The following EDNRB variants were observed in gnomAD, a reference collection of about 807,000 sequenced individuals.
The protein encoded by EDNRB is Hirschsprung disease 2.
A neutral mutation model predicts 46.4 loss-of-function variants in EDNRB; 18 were observed. The ratio of observed to expected loss-of-function variants is 0.39; its 90% confidence interval spans 0.27 to 0.57. EDNRB has a LOEUF of 0.57. Among genes scored for constraint, EDNRB ranks in the 20% least tolerant of loss-of-function variants. The pLI is 0.61. For missense variants in EDNRB, 434 were observed against 537.5 expected, an observed-to-expected ratio of 0.81 and a Z score of 1.90; for synonymous variants, 213 against 204.9, an observed-to-expected ratio of 1.04 and a Z score of -0.34.
At chr13:77,935,964 T>TA (rs1410065684) in intron 1 of EDNRB, among the ~76,000 whole-genome samples, 1 of 152,028 alleles carries the variant, frequency 6.6e-6, no homozygotes, top group Non-Finnish European at 1.5e-5. Flanking sequence ...TTAGGACAGG[T>TA]AAAATGGGGG....
Position 77,898,160 on chromosome 13 carries a change from C to A in EDNRB, c.*40G>T, listed in dbSNP as rs12720202. 1.2e-5 allele frequency: 19 copies of A among 1,604,522 alleles called. No homozygotes were observed. In the African/African-American group the frequency reaches 2.4e-4, roughly 20 times the overall value. ...TTCATTTTGTTTTAATGACTTCGGT[C>A]CAATATAAAGAAAATGAAATACAGT... On this transcript the variant is annotated 3_prime_UTR_variant, in exon 7 of 7. Transcript: ENST00000646607.
At chr13:77,929,881 A>G (rs1385259212) in intron 1 of EDNRB, among the ~76,000 whole-genome samples, 1 of 152,220 alleles carries the variant, frequency 6.6e-6, no homozygotes, top group African/African-American at 2.4e-5. Context: ...ATGTTTGCAA[A>G]TCATTCAGTA....
chr13:77,913,054 A>G (rs1879649166), intron 1 of EDNRB, among the ~76,000 whole-genome samples: 1 of 152,138 alleles, frequency 6.6e-6, no homozygotes, highest in Non-Finnish European at 1.5e-5. Context: ...TTTTAACTAC[A>G]AAACTAGTTA....
rs558255792 is a variant in EDNRB, at chr13:77,972,546, C to A, written c.-52+2801G>T. On this transcript the variant is annotated intron_variant, in intron 1 of 7. Coordinates refer to the EDNRB transcript ENST00000646948. ...GTTGGGGGGCAAGACTCCTGGTTGG[C>A]ACTGGGGTCTTTATCGAAATCTCCC... 2.6e-5 allele frequency among the ~76,000 whole-genome samples: 4 copies of A among 152,142 alleles called. 1 individual carries two copies. The highest frequency in any genetic ancestry group is 5.9e-5 in the Non-Finnish European group (4 of 68,030).
chr13:77,915,333 G>A (rs1282525707), intron 1 of EDNRB, among the ~76,000 whole-genome samples: 1 of 152,130 alleles, frequency 6.6e-6, no homozygotes, highest in Admixed American at 6.5e-5. Context: ...TTCTGAAAAT[G>A]TTTACCAAGT....
intron 1 of EDNRB, among the ~76,000 whole-genome samples, chr13:77,924,955 T>C (rs547774547): frequency 6.6e-6 from 1 of 152,350 alleles, no homozygotes; most frequent in African/African-American, 2.4e-5. Context: ...TGTGGAGCTG[T>C]AAGTCCAATA....
chr13:77,953,069 T>C (rs1184437326), intron 1 of EDNRB, among the ~76,000 whole-genome samples: 1 of 152,218 alleles, frequency 6.6e-6, no homozygotes, highest in African/African-American at 2.4e-5. Context: ...TATTTTCCAA[T>C]GTCTTTATCT....
chr13:77,914,469 A>G (rs1489757768), intron 1 of EDNRB, among the ~76,000 whole-genome samples: 1 of 152,194 alleles, frequency 6.6e-6, no homozygotes, highest in East Asian at 1.9e-4. Context: ...TGGATGCCTG[A>G]AGTTTTCATT....
intron 3 of EDNRB, 94 bp from the exon 4 acceptor site, chr13:77,901,301 A>T: frequency 7.6e-7 from 1 of 1,319,416 alleles, no homozygotes; most frequent in South Asian, 1.3e-5. Flanking sequence ...TCAGGGAATG[A>T]TTATCTTCTA....
At chr13:77,903,691 A>C in intron 1 of EDNRB, 84 bp from the exon 2 acceptor site, 1 of 1,141,018 alleles carries the variant, frequency 8.8e-7, no homozygotes, top group Non-Finnish European at 1.3e-6. Context: ...AGTAATTAAC[A>C]TGCAGAGTAG....
rs1008471629 is a variant in EDNRB at position 77,918,709 on chromosome 13, C to G, written c.-136G>C. On this transcript the variant is annotated 5_prime_UTR_variant, in exon 1 of 7. Transcript: ENST00000646607. The surrounding 1 kb of genome is among the most constrained non-coding windows in gnomAD (Gnocchi z 4.5). ...CTGCAAACGCTAATACCGCCCGCAG[C>G]CTCTTCGCCAGTATCCACGCTCAAA... 2.9e-6 allele frequency: 4 copies of G among 1,357,802 alleles called. No homozygotes were observed. The African/African-American group carries it at 5.9e-5, about 20-fold the overall frequency. The allele number at this position is 1,357,802 out of a possible 1,614,324, so 84.1% of individuals were successfully genotyped here. A position where few individuals can be genotyped will look rare whatever the true frequency, so the allele number is the denominator to read the frequency against.
At chr13:77,908,982 G>A (rs1335907225) in intron 1 of EDNRB, among the ~76,000 whole-genome samples, 2 of 151,966 alleles carry the variant, frequency 1.3e-5, no homozygotes, top group Non-Finnish European at 2.9e-5. Context: ...AATAGCTGTT[G>A]TTAGTGTTAA....
chr13:77,949,464 G>C (rs537110964), intron 1 of EDNRB, among the ~76,000 whole-genome samples: 1 of 152,258 alleles, frequency 6.6e-6, no homozygotes, highest in African/African-American at 2.4e-5. Flanking sequence ...TTTTAGACAT[G>C]CATCACAGTC....
chr13:77,936,529 A>G (rs1341278979), intron 1 of EDNRB, among the ~76,000 whole-genome samples: 1 of 152,214 alleles, frequency 6.6e-6, no homozygotes, highest in Non-Finnish European at 1.5e-5. Context: ...TGTGAGAATT[A>G]CTTAGAGCAT....
At chr13:77,959,260 C>T (rs544624537) in intron 1 of EDNRB, among the ~76,000 whole-genome samples, 1 of 152,152 alleles carries the variant, frequency 6.6e-6, no homozygotes, top group Non-Finnish European at 1.5e-5. Context: ...GGGTCCCTGA[C>T]CCCCGAGTAA....
chr13:77,906,481 T>G (rs978733452), intron 1 of EDNRB, among the ~76,000 whole-genome samples: 6 of 152,026 alleles, frequency 3.9e-5, no homozygotes, highest in Non-Finnish European at 8.8e-5. Context: ...AAAGTGATGA[T>G]GTGTGATGTC....
At chr13:77,900,319 C>T (rs1394300990) in intron 5 of EDNRB, among the ~76,000 whole-genome samples, 1 of 151,868 alleles carries the variant, frequency 6.6e-6, no homozygotes, top group African/African-American at 2.4e-5. Context: ...ATCTTGACAA[C>T]TCTGACTCTC....
chr13:77,961,635 G>A (rs1311256379), intron 1 of EDNRB, among the ~76,000 whole-genome samples: 14 of 152,172 alleles, frequency 9.2e-5, no homozygotes. Context: ...AAAGCAGTGT[G>A]TAGAGGGAAA....
At chr13:77,909,198 T>G (rs1879446876) in intron 1 of EDNRB, among the ~76,000 whole-genome samples, 1 of 152,022 alleles carries the variant, frequency 6.6e-6, no homozygotes, top group Admixed American at 6.6e-5. Flanking sequence ...TAACTTTACC[T>G]TGGAACAGCT....
Sources: allele counts gnomAD v4.1 joint callset (sites outside exome capture counted in the v4.1 genomes callset), GRCh38; gene constraint gnomAD v4.1.1; non-coding constraint Gnocchi (gnomAD v3.1); transcripts MANE v1.5; gene names NCBI Gene and HGNC (gene_info 2026-07-23, HGNC 2026-07-21).